The following SRD5A3 variants were observed in gnomAD, a reference collection of about 807,000 sequenced individuals.
SRD5A3 encodes polyprenal reductase.
SRD5A3 carries 24 observed loss-of-function variants against 34.3 expected under a neutral mutation model. That is an observed-to-expected ratio of 0.70 (90% CI 0.51 to 0.99). The LOEUF (loss-of-function observed/expected upper bound fraction) is 0.99. Among genes scored for constraint, SRD5A3 ranks in the 50% least tolerant of loss-of-function variants. The probability of loss-of-function intolerance (pLI) is 0.00; values close to 1 mark genes in which losing one functional copy is unlikely to be tolerated. For synonymous variants in SRD5A3, 161 were observed against 167.3 expected (o/e 0.96, Z 0.29); for missense variants, 350 against 388.2 (o/e 0.90, Z 0.83).
chr4:55,360,731 C>T (rs1352831342), intron 2 of SRD5A3, among the ~76,000 whole-genome samples: 12 of 150,124 alleles, frequency 8.0e-5, no homozygotes, highest in Non-Finnish European at 1.3e-4. Flanking sequence ...TCTTATTGCC[C>T]GGGCTGGAGT....
chr4:55,368,004 C>T (rs1719968183), intron 4 of SRD5A3, among the ~76,000 whole-genome samples: 1 of 152,158 alleles, frequency 6.6e-6, no homozygotes, highest in African/African-American at 2.4e-5. Context: ...GTACCAGCCA[C>T]AGCATAAAAA....
At chr4:55,360,437 C>T (rs1023670852) in intron 2 of SRD5A3, among the ~76,000 whole-genome samples, 17 of 151,480 alleles carry the variant, frequency 1.1e-4, no homozygotes, top group Middle Eastern at 3.4e-3. Context: ...ACCTGGGAGG[C>T]GGAGGTTGCC....
At chr4:55,349,066 G>T (rs536181831) in intron 1 of SRD5A3, among the ~76,000 whole-genome samples, 57 of 152,084 alleles carry the variant, frequency 3.7e-4, no homozygotes, top group Middle Eastern at 3.4e-3. Context: ...ATGGAGTCTC[G>T]CTCTGTCGCC....
chr4:55,350,619 A>G (rs1719151576), intron 1 of SRD5A3, among the ~76,000 whole-genome samples: 1 of 152,162 alleles, frequency 6.6e-6, no homozygotes, highest in Non-Finnish European at 1.5e-5. Context: ...CTTCAAATAC[A>G]CTTCTGTGAT....
At chr4:55,360,311 A>T (rs1719633605) in intron 2 of SRD5A3, among the ~76,000 whole-genome samples, 2 of 151,918 alleles carry the variant, frequency 1.3e-5, no homozygotes, top group Admixed American at 6.6e-5. Flanking sequence ...GTTCAAGACC[A>T]GCCTGGCCAA....
intron 1 of SRD5A3, among the ~76,000 whole-genome samples, chr4:55,354,724 C>T (rs1032935206): frequency 4.6e-5 from 7 of 152,260 alleles, no homozygotes; most frequent in Admixed American, 1.3e-4. Context: ...TATTATAATT[C>T]TGCCATCCCA....
intron 1 of SRD5A3, among the ~76,000 whole-genome samples, chr4:55,350,756 T>C (rs889649258): frequency 1.6e-5 from 2 of 126,940 alleles, no homozygotes; most frequent in African/African-American, 3.0e-5. Context: ...TTGACCATCA[T>C]TAAATTTTTT....
Position 55,354,872 on chromosome 4 carries a change from C to T in SRD5A3, c.222-4474C>T, listed in dbSNP as rs182233772. 1.5e-3 allele frequency among the ~76,000 whole-genome samples: 221 copies of T among 152,380 alleles called. 1 individual carries two copies. The highest frequency in any genetic ancestry group is 3.9e-3 in the Admixed American group (59 of 15,302). ...TAAGCTCCATGAAGGCAGGAATTGT[C>T]TGTTGTGTTTGCTGTTGTATCCCCA... On this transcript the variant is annotated intron_variant, in intron 1 of 4. Transcript: ENST00000264228.
rs546279157 is a variant in SRD5A3 at position 55,357,956 on chromosome 4, A to C, written c.222-1390A>C. On this transcript the variant is annotated intron_variant, in intron 1 of 4. Coordinates refer to ENST00000264228, the MANE Select transcript of SRD5A3 (RefSeq NM_024592.5). The stretch of plus-strand genomic sequence containing the variant: ...GGTTGGATCAGAGTTTATCAGACTG[A>C]GTTTGTAGGCATGATCTCAGGGGCT... 1.6e-3 allele frequency among the ~76,000 whole-genome samples: 244 copies of C among 152,244 alleles called. 1 individual carries two copies. The highest frequency in any genetic ancestry group is 5.8e-3 in the African/African-American group (240 of 41,550).
chr4:55,359,320 T>C (rs1719587323), intron 1 of SRD5A3, 26 bp from the exon 2 acceptor site: 2 of 1,613,416 alleles, frequency 1.2e-6, no homozygotes, highest in Non-Finnish European at 1.7e-6. Context: ...ACCCTAATTA[T>C]TGCCTCGCTT....
chr4:55,364,301 C>G lies in SRD5A3; in HGVS notation c.562+30C>G, dbSNP rs770175617. Reference sequence around the variant, plus strand: ...GTGGATCCAGCCCTGCCAGGAGCTCCCCACCCCAGGGTGTATGATGCGCTC... The same window carrying G: ...GTGGATCCAGCCCTGCCAGGAGCTCGCCACCCCAGGGTGTATGATGCGCTC... On this transcript the variant is annotated intron_variant, in intron 3 of 4. Coordinates refer to ENST00000264228, the MANE Select transcript of SRD5A3 (RefSeq NM_024592.5). 4 of 1,612,616 alleles carry G rather than the reference C, an allele frequency of 2.5e-6. No homozygotes were observed. The East Asian group carries it at 6.7e-5, about 27-fold the overall frequency.
intron 1 of SRD5A3, among the ~76,000 whole-genome samples, chr4:55,351,233 G>A (rs897436661): frequency 2.6e-5 from 4 of 151,330 alleles, no homozygotes; most frequent in African/African-American, 4.9e-5. Context: ...CACCATGCCC[G>A]GCCAGTTTTT....
At chr4:55,350,041 A>T (rs1190141067) in intron 1 of SRD5A3, among the ~76,000 whole-genome samples, 1 of 152,146 alleles carries the variant, frequency 6.6e-6, no homozygotes, top group Non-Finnish European at 1.5e-5. Context: ...GTAGTCTTTC[A>T]TCACTAGATC....
rs752752075 is a variant in SRD5A3, at chr4:55,359,473, G to A, written c.349G>A (p.Ala117Thr). The A allele has an allele frequency of 6.2e-7, 1 of 1,614,014 alleles. No individual in the cohort carries two copies. Among genetic ancestry groups the A allele is most frequent in the East Asian group, 2.2e-5 (1 of 44,864 alleles). ...WLHGLLRILG[A>T]AQFQGGELAL... ...TCATGGTTTGCTCAGAATTCTCGGG[G>A]CGGCACAGTTCCAGGGTAAGGACTC... The change falls in exon 2 of 5, where the codon GCG becomes ACG. Residue 117 changes from alanine (A) to threonine (T), a missense_variant. By Grantham distance (58) the Ala-to-Thr change is moderately conservative (BLOSUM62 0). This residue lies in a region of SRD5A3 where 159 missense variants were observed against 149.1 expected (regional missense o/e 1.07). Transcript: ENST00000264228.
chr4:55,363,299 G>A (rs1433289249), intron 2 of SRD5A3, among the ~76,000 whole-genome samples: 2 of 152,016 alleles, frequency 1.3e-5, no homozygotes, highest in Admixed American at 6.6e-5. Flanking sequence ...GTCAGGTGTG[G>A]TGGCACATGA....
chr4:55,361,241 G>A (rs1218603241), intron 2 of SRD5A3, among the ~76,000 whole-genome samples: 1 of 152,040 alleles, frequency 6.6e-6, no homozygotes, highest in African/African-American at 2.4e-5. Context: ...CAGCACTTCA[G>A]GAGGCTGAGG....
chr4:55,356,256 A>G (rs904477240), intron 1 of SRD5A3, among the ~76,000 whole-genome samples: 1 of 151,756 alleles, frequency 6.6e-6, no homozygotes, highest in South Asian at 2.1e-4. Flanking sequence ...TAATCCGCCC[A>G]CCTCAGCCTC....
intron 1 of SRD5A3, among the ~76,000 whole-genome samples, chr4:55,357,852 A>C (rs1196243522): frequency 1.3e-5 from 2 of 152,216 alleles, no homozygotes; most frequent in Non-Finnish European, 2.9e-5. Flanking sequence ...GATTACAGGC[A>C]TGCATCACCA....
At chr4:55,352,286 G>T in intron 1 of SRD5A3, 1 of 808,634 alleles carries the variant, frequency 1.2e-6, no homozygotes, top group Non-Finnish European at 2.2e-6. Flanking sequence ...CCTTTAACAC[G>T]CTGGGATCCT....
Sources: allele counts gnomAD v4.1 joint callset (sites outside exome capture counted in the v4.1 genomes callset), GRCh38; gene constraint gnomAD v4.1.1; regional missense constraint gnomAD v4.1.1; transcripts MANE v1.5; gene names NCBI Gene and HGNC (gene_info 2026-07-23, HGNC 2026-07-21).